The following FOXN3 variants were observed in gnomAD, a reference collection of about 807,000 sequenced individuals.
The protein encoded by FOXN3 is forkhead box N3.
Under a neutral mutation model 38.4 loss-of-function variants are expected in FOXN3, and 7 were observed. The ratio of observed to expected loss-of-function variants is 0.18; its 90% CI spans 0.10 to 0.34. FOXN3 has a LOEUF of 0.34. Ranked by LOEUF, FOXN3 falls within the 10% of genes least tolerant of loss-of-function variation. The pLI, the probability that FOXN3 is intolerant of heterozygous loss-of-function variation, is 1.00. For missense variants in FOXN3, 456 were observed against 613.4 expected, an observed-to-expected ratio of 0.74 and a Z score of 2.71; for synonymous variants, 230 against 242.2, an observed-to-expected ratio of 0.95 and a Z score of 0.47.
At chr14:89,350,520 G>T in intron 3 of FOXN3, 152 bp downstream of exon 3, 1 of 620,732 alleles carries the variant, frequency 1.6e-6, no homozygotes, top group Non-Finnish European at 2.6e-6. Context: ...ATACAACAGT[G>T]GATATGCCTC....
chr14:89,299,091 C>T (rs1014053737), intron 3 of FOXN3, among the ~76,000 whole-genome samples: 9 of 152,214 alleles, frequency 5.9e-5, no homozygotes, highest in Non-Finnish European at 1.2e-4. Context: ...GGTGCTCACA[C>T]CCAGTATGTG....
At chr14:89,457,162 T>C (rs190550469) in intron 1 of FOXN3, among the ~76,000 whole-genome samples, 6 of 152,292 alleles carry the variant, frequency 3.9e-5, no homozygotes, top group Admixed American at 1.3e-4. Flanking sequence ...TTAAATACAA[T>C]GGTTCTCCTG....
intron 4 of FOXN3, among the ~76,000 whole-genome samples, chr14:89,229,597 T>C (rs1884745624): frequency 6.6e-6 from 1 of 152,164 alleles, no homozygotes; most frequent in African/African-American, 2.4e-5. Flanking sequence ...AGGAACCAAA[T>C]GCTACTGACC....
chr14:89,270,905 A>T (rs1886134154), intron 4 of FOXN3, among the ~76,000 whole-genome samples: 1 of 152,154 alleles, frequency 6.6e-6, no homozygotes, highest in East Asian at 1.9e-4. Context: ...GTGTGTCACG[A>T]CTCACAAAGG....
At chr14:89,193,047 T>G (rs1888002551) in intron 4 of FOXN3, among the ~76,000 whole-genome samples, 1 of 152,014 alleles carries the variant, frequency 6.6e-6, no homozygotes, top group African/African-American at 2.4e-5. Flanking sequence ...TGCCCCTCGT[T>G]TTAGAAAGGG....
At chr14:89,273,227 C>T (rs1270801891) in intron 4 of FOXN3, among the ~76,000 whole-genome samples, 2 of 152,182 alleles carry the variant, frequency 1.3e-5, no homozygotes, top group Non-Finnish European at 2.9e-5. Flanking sequence ...CCCTGATTCC[C>T]CTCTTCCGAA....
intron 1 of FOXN3, among the ~76,000 whole-genome samples, chr14:89,492,624 A>C (rs975908480): frequency 2.0e-5 from 3 of 152,236 alleles, no homozygotes; most frequent in African/African-American, 7.2e-5. Context: ...AGGCAGAAGG[A>C]TCGCTAGAGC....
At chr14:89,268,096 A>G (rs1258360220) in intron 4 of FOXN3, among the ~76,000 whole-genome samples, 1 of 152,164 alleles carries the variant, frequency 6.6e-6, no homozygotes, top group Non-Finnish European at 1.5e-5. Flanking sequence ...CTACACATTA[A>G]TTTACACATA....
chr14:89,425,576 GC>G (rs1892010138), intron 1 of FOXN3, among the ~76,000 whole-genome samples: 1 of 150,404 alleles, frequency 6.6e-6, no homozygotes. Flanking sequence ...TGTTGGCCAC[GC>G]TGGTCTCGAA....
At chr14:89,394,478 AT>A in intron 2 of FOXN3, among the ~76,000 whole-genome samples, 1 of 152,212 alleles carries the variant, frequency 6.6e-6, no homozygotes, top group Non-Finnish European at 1.5e-5. Context: ...AAGTGCTGTG[AT>A]TACGGGTGTG....
chr14:89,307,396 G>A (rs953097962), intron 3 of FOXN3, among the ~76,000 whole-genome samples: 6 of 152,018 alleles, frequency 3.9e-5, no homozygotes, highest in African/African-American at 1.5e-4. Flanking sequence ...AAATAATTCT[G>A]GTTATTAAAA....
chr14:89,351,539 G>T (rs1273359887), intron 2 of FOXN3, among the ~76,000 whole-genome samples: 1 of 152,164 alleles, frequency 6.6e-6, no homozygotes, highest in Non-Finnish European at 1.5e-5. Context: ...GAGGCTTCCT[G>T]TGAGGCCCAC....
chr14:89,567,323 T>A (rs1201231225), intron 1 of FOXN3, among the ~76,000 whole-genome samples: 1 of 152,224 alleles, frequency 6.6e-6, no homozygotes, highest in Non-Finnish European at 1.5e-5. Flanking sequence ...AGCAGATAAT[T>A]GTGCTCACTT....
At chr14:89,201,602 G>C (rs1487292552) in intron 4 of FOXN3, among the ~76,000 whole-genome samples, 1 of 152,166 alleles carries the variant, frequency 6.6e-6, no homozygotes, top group African/African-American at 2.4e-5. Context: ...GGACCAGGAA[G>C]CCCCTTGAGA....
chr14:89,262,969 G>A (rs1462710262), intron 4 of FOXN3, among the ~76,000 whole-genome samples: 1 of 152,112 alleles, frequency 6.6e-6, no homozygotes, highest in Non-Finnish European at 1.5e-5. Context: ...TATGTTTCCC[G>A]ACTAAAAAGA....
chr14:89,382,892 G>A (rs558648411), intron 2 of FOXN3, among the ~76,000 whole-genome samples: 3 of 152,292 alleles, frequency 2.0e-5, no homozygotes, highest in South Asian at 2.1e-4. Flanking sequence ...GCTGGAGGAA[G>A]TGCCCTCCTG....
intron 2 of FOXN3, among the ~76,000 whole-genome samples, chr14:89,357,446 A>C (rs1473229000): frequency 6.6e-6 from 1 of 152,188 alleles, no homozygotes; most frequent in East Asian, 1.9e-4. Flanking sequence ...ATCTCAACTA[A>C]AAATACAAAA....
upstream of FOXN3, chr14:89,419,513 A>G (rs1891847256): frequency 4.3e-6 from 1 of 230,302 alleles, no homozygotes; most frequent in Non-Finnish European, 8.8e-6. Flanking sequence ...TTTTACAAAC[A>G]CATTTAACAG....
chr14:89,175,740 G>C (rs998746269), intron 5 of FOXN3, among the ~76,000 whole-genome samples: 3 of 152,106 alleles, frequency 2.0e-5, no homozygotes, highest in African/African-American at 7.2e-5. Context: ...CCCCACATCA[G>C]CTTTTTCCCA....
Sources: gnomAD v4.1 joint callset for allele counts (sites outside exome capture counted in the v4.1 genomes callset) on GRCh38, gnomAD v4.1.1 for gene constraint, MANE v1.5 for transcripts, NCBI Gene and HGNC (gene_info 2026-07-23, HGNC 2026-07-21) for gene names.